SH3KBP1: variants seen among roughly 807,000 people sequenced by gnomAD.
SH3KBP1 encodes SH3 domain-containing kinase-binding protein 1.
A neutral mutation model predicts 50.1 loss-of-function variants in SH3KBP1; 8 were observed. The observed-to-expected ratio is 0.16, with a 90% CI of 0.09 to 0.29. The LOEUF (loss-of-function observed/expected upper bound fraction) is 0.29, where lower values mean the gene tolerates loss of function less well. Among genes scored for constraint, SH3KBP1 ranks in the 10% least tolerant of loss-of-function variants. The pLI is 1.00. For synonymous variants in SH3KBP1, 227 were observed against 218.6 expected, an observed-to-expected ratio of 1.04 and a Z score of -0.34; for missense variants, 377 against 535.2, an observed-to-expected ratio of 0.70 and a Z score of 2.92.
At chrX:19,633,127 T>C (rs974831601) in intron 7 of SH3KBP1, among the ~76,000 whole-genome samples, 9 of 111,878 alleles carry the variant, frequency 8.0e-5, no homozygotes, top group African/African-American at 2.9e-4. Context: ...AAATCCATAA[T>C]ACAGATACAC....
intron 3 of SH3KBP1, among the ~76,000 whole-genome samples, chrX:19,717,549 C>T (rs773849279): frequency 1.8e-5 from 2 of 111,509 alleles, no homozygotes; most frequent in African/African-American, 3.3e-5. Flanking sequence ...GCCTGGGCAA[C>T]GGAGTGAGAC....
chrX:19,829,369 C>T (rs777213685), intron 2 of SH3KBP1, among the ~76,000 whole-genome samples: 1 of 110,259 alleles, frequency 9.1e-6, no homozygotes, highest in Admixed American at 9.6e-5. Context: ...TGATCAATTT[C>T]CTAGGGGGAG....
chrX:19,727,751 C>T (rs765334533), intron 3 of SH3KBP1, among the ~76,000 whole-genome samples: 5 of 112,096 alleles, frequency 4.5e-5, no homozygotes, highest in South Asian at 7.4e-4. Context: ...TTTGGGAGGC[C>T]GAGGCAGGCA....
At chrX:19,574,928 C>T (rs2066150923) in intron 12 of SH3KBP1, among the ~76,000 whole-genome samples, 1 of 112,039 alleles carries the variant, frequency 8.9e-6, no homozygotes, top group Non-Finnish European at 1.9e-5. Flanking sequence ...TAAAATGAGG[C>T]TGTTAGAAGA....
In SH3KBP1 at chrX:19,746,426, T is replaced by A; in HGVS notation, c.178A>T (p.Met60Leu). Reference protein sequence around the residue: ...DNFVREIKKEMKKDPLTNKAP... With the variant: ...DNFVREIKKELKKDPLTNKAP... ...TTGTTGGTGAGAGGGTCTTTCTTCA[T>A]CTCTTTCTTTATTTCCTGTGAGGAC... is the stretch of plus-strand genomic sequence containing the variant. The change falls in exon 3 of 18, where the codon ATG (methionine) becomes TTG (leucine). Residue 60 changes from methionine (M) to leucine (L), a missense_variant. By Grantham distance (15) the Met-to-Leu change is conservative (BLOSUM62 2). Coordinates refer to ENST00000397821, the MANE Select transcript of SH3KBP1 (RefSeq NM_031892.3). The A allele has an allele frequency of 8.3e-7, 1 of 1,201,291 alleles. No homozygotes were observed. Among genetic ancestry groups the A allele is most frequent in the Non-Finnish European group, 1.1e-6 (1 of 891,894 alleles).
chrX:19,567,557 A>AATATATAT (rs1555990522), intron 13 of SH3KBP1, among the ~76,000 whole-genome samples: 837 of 35,056 alleles, frequency 0.024, 46 homozygotes, highest in African/African-American at 0.08. Flanking sequence ...AAAAAAAAAA[A>AATATATAT]ATATATATAT....
At chrX:19,639,281 T>C (rs1347286010) in intron 7 of SH3KBP1, among the ~76,000 whole-genome samples, 1 of 111,869 alleles carries the variant, frequency 8.9e-6, no homozygotes, top group East Asian at 2.8e-4. Context: ...AATTTGACTT[T>C]CAAATTATTT....
intron 12 of SH3KBP1, among the ~76,000 whole-genome samples, chrX:19,580,387 C>T (rs1004225972): frequency 3.6e-5 from 4 of 111,547 alleles, no homozygotes; most frequent in Non-Finnish European, 7.5e-5. Context: ...CACGCTTGGC[C>T]GCTTGCCCAT....
At chrX:19,843,008 CTTTTTTT>C (rs1208728077) in intron 1 of SH3KBP1, among the ~76,000 whole-genome samples, 4 of 65,184 alleles carry the variant, frequency 6.1e-5, no homozygotes, top group Non-Finnish European at 1.1e-4. Flanking sequence ...CGTGCATCAA[CTTTTTTT>C]TTTTTTTTTT....
chrX:19,563,502 G>A (rs962480947), intron 13 of SH3KBP1, among the ~76,000 whole-genome samples: 1 of 112,162 alleles, frequency 8.9e-6, no homozygotes, highest in East Asian at 2.8e-4. Context: ...GATTGCCTGG[G>A]TTAAAAACCC....
chrX:19,622,581 T>C (rs758820325), intron 8 of SH3KBP1, among the ~76,000 whole-genome samples: 113 of 112,468 alleles, frequency 1.0e-3, no homozygotes, highest in African/African-American at 3.6e-3. Context: ...ATTATTACTC[T>C]CATTTCACAG....
chrX:19,857,690 C>A (rs914356701), intron 1 of SH3KBP1, among the ~76,000 whole-genome samples: 4 of 110,834 alleles, frequency 3.6e-5, no homozygotes, highest in Non-Finnish European at 5.7e-5. Context: ...TCACTGCATT[C>A]CAGCCTGGAC....
intron 3 of SH3KBP1, among the ~76,000 whole-genome samples, chrX:19,719,516 T>TA: frequency 8.9e-6 from 1 of 111,870 alleles, no homozygotes; most frequent in Admixed American, 9.5e-5. Context: ...ATGTATATTT[T>TA]AACATTAACA....
At chrX:19,760,035 T>TCTCTCCCTCTCC (rs1427576574) in intron 2 of SH3KBP1, among the ~76,000 whole-genome samples, 104 of 65,197 alleles carry the variant, frequency 1.6e-3, no homozygotes, top group African/African-American at 7.8e-3. Flanking sequence ...TCTCTCTCTC[T>TCTCTCCCTCTCC]CTCTCCCTCT....
At chrX:19,652,218 T>C (rs2062146296) in intron 6 of SH3KBP1, among the ~76,000 whole-genome samples, 1 of 111,570 alleles carries the variant, frequency 9.0e-6, no homozygotes, top group Non-Finnish European at 1.9e-5. Context: ...CTGGGATGTC[T>C]TCCGGGGCCT....
chrX:19,643,066 T>A (rs1340280509), intron 7 of SH3KBP1, among the ~76,000 whole-genome samples: 4 of 110,350 alleles, frequency 3.6e-5, no homozygotes, highest in African/African-American at 1.3e-4. Context: ...GTTGCTCAGA[T>A]CCCAAGCTCA....
In SH3KBP1 at chrX:19,857,686, C is replaced by T. The variant is rs77681714; in HGVS notation, c.5-21404G>A. ...GCAGTGAACTGAGATTGTGTCACTGCATTCCAGCCTGGACGACAGAGCAAG... is the reference window on the plus strand; with the variant it reads ...GCAGTGAACTGAGATTGTGTCACTGTATTCCAGCCTGGACGACAGAGCAAG... On this transcript the variant is annotated intron_variant, in intron 1 of 17. Transcript: ENST00000397821. Among the ~76,000 whole-genome samples the T allele has an allele frequency of 4.0e-3, 449 of 111,031 alleles. 25 individuals are homozygous for T. The East Asian group carries it at 0.12, about 29-fold the overall frequency.
intron 9 of SH3KBP1, 147 bp from the exon 10 acceptor site, chrX:19,595,147 G>A (rs923029174): frequency 4.1e-5 from 18 of 435,892 alleles, no homozygotes; most frequent in Non-Finnish European, 5.3e-5. Context: ...CTCCAGGGAC[G>A]TCAGTTTTTG....
At chrX:19,608,488 T>C (rs2067311754) in intron 8 of SH3KBP1, among the ~76,000 whole-genome samples, 1 of 109,313 alleles carries the variant, frequency 9.1e-6, no homozygotes, top group African/African-American at 3.3e-5. Flanking sequence ...TTGTATTTTT[T>C]AGTAGAGACG....
Sources: allele counts gnomAD v4.1 joint callset (sites outside exome capture counted in the v4.1 genomes callset), GRCh38; gene constraint gnomAD v4.1.1; transcripts MANE v1.5; gene names NCBI Gene and HGNC (gene_info 2026-07-23, HGNC 2026-07-21).